The following CAAP1 variants were observed in gnomAD, a reference collection of about 807,000 sequenced individuals.
The protein encoded by CAAP1 is caspase activity and apoptosis inhibitor 1.
CAAP1 carries 20 observed loss-of-function variants against 34.0 expected under a neutral mutation model. That is an observed-to-expected ratio of 0.59 (90% CI 0.41 to 0.86). CAAP1 has a LOEUF of 0.86. Among genes scored for constraint, CAAP1 ranks in the 40% least tolerant of loss-of-function variants. The probability of loss-of-function intolerance (pLI) is 0.00; values close to 1 mark genes in which losing one functional copy is unlikely to be tolerated. For missense variants in CAAP1, 538 were observed against 450.5 expected (o/e 1.19, Z -1.76); for synonymous variants, 213 against 166.7 (o/e 1.28, Z -2.14).
At chr9:26,874,751 T>C (rs1207583992) in intron 4 of CAAP1, among the ~76,000 whole-genome samples, 1 of 152,114 alleles carries the variant, frequency 6.6e-6, no homozygotes, top group African/African-American at 2.4e-5. Flanking sequence ...CTTGTTACTA[T>C]TGGTAGTAAA....
At chr9:26,864,760 A>T (rs1823091325) in intron 4 of CAAP1, among the ~76,000 whole-genome samples, 1 of 152,236 alleles carries the variant, frequency 6.6e-6, no homozygotes, top group Non-Finnish European at 1.5e-5. Flanking sequence ...CAACTTCAAA[A>T]ATCAGCGTTA....
At chr9:26,854,573 G>A (rs947890028) in intron 5 of CAAP1, among the ~76,000 whole-genome samples, 21 of 152,108 alleles carry the variant, frequency 1.4e-4, no homozygotes, top group African/African-American at 5.1e-4. Context: ...CATACACCTA[G>A]AGTCTGTGTA....
At chr9:26,845,715 C>T (rs926165517) in intron 5 of CAAP1, among the ~76,000 whole-genome samples, 1 of 152,108 alleles carries the variant, frequency 6.6e-6, no homozygotes, top group East Asian at 1.9e-4. Flanking sequence ...TGGTCTCTGG[C>T]TTTTTATCAT....
intron 4 of CAAP1, among the ~76,000 whole-genome samples, chr9:26,875,836 T>C (rs901692801): frequency 6.6e-6 from 1 of 152,142 alleles, no homozygotes; most frequent in Non-Finnish European, 1.5e-5. Context: ...GTGATCTCCT[T>C]TGGAATGTTG....
chr9:26,892,623 C>T lies in CAAP1; in HGVS notation c.93G>A (p.Ala31=). ...TGCTTCCACTGCTGCCGCTGGCCAA[C>T]GCGGGTACGATGTCCGGGGCCGCGA... ...AALAAPDIVP[A]LASGSSGSTS... Residue 31 remains alanine, a synonymous_variant, in exon 1 of 6, where the codon GCG becomes GCA. Transcript: ENST00000333916. The T allele has an allele frequency of 1.2e-6, 2 of 1,609,420 alleles. No homozygotes were observed. The highest frequency in any genetic ancestry group is 8.5e-7 in the Non-Finnish European group (1 of 1,179,548).
chr9:26,874,326 A>G (rs1823368058), intron 4 of CAAP1, among the ~76,000 whole-genome samples: 1 of 152,006 alleles, frequency 6.6e-6, no homozygotes, highest in South Asian at 2.1e-4. Context: ...TGAAATCTGC[A>G]TAACTGGAAT....
chr9:26,845,106 CTGTTT>C (rs1822568280), intron 5 of CAAP1, among the ~76,000 whole-genome samples: 1 of 152,092 alleles, frequency 6.6e-6, no homozygotes, highest in South Asian at 2.1e-4. Context: ...TCTTCTTATC[CTGTTT>C]TATTTTTCTT....
At position 26,886,143 on chromosome 9, in the gene CAAP1, C is replaced by T; in HGVS notation, c.550G>A (p.Glu184Lys). 6.4e-7 allele frequency: 1 copy of T among 1,556,336 alleles called. No homozygotes were observed. Among genetic ancestry groups the T allele is most frequent in the Middle Eastern group, 2.0e-4 (1 of 5,094 alleles). Residue 184 changes from glutamate to lysine, a missense_variant, in exon 3 of 6, where the codon GAG (glutamate) becomes AAG (lysine). Coordinates refer to ENST00000333916, the MANE Select transcript of CAAP1 (RefSeq NM_024828.4). ...AAAATTTTTTTTTCAGACAGGAGCT[C>T]TAACTGTTCCTGGCATAGTTTTTTA... ...EIKKLCQEQLELLSEKKILKI... is the reference protein window; with the variant it reads ...EIKKLCQEQLKLLSEKKILKI...
At chr9:26,887,247 C>G in intron 2 of CAAP1, 66 bp downstream of exon 2, 2 of 1,081,836 alleles carry the variant, frequency 1.8e-6, no homozygotes, top group Non-Finnish European at 1.3e-6. Context: ...TTAAGTAAAA[C>G]AAAAAATTGC....
At chr9:26,863,706 C>T (rs1203304122) in intron 4 of CAAP1, among the ~76,000 whole-genome samples, 3 of 145,312 alleles carry the variant, frequency 2.1e-5, no homozygotes, top group Non-Finnish European at 4.5e-5. Context: ...AGGGTGGGAA[C>T]ACACTGCCAA....
intron 1 of CAAP1, among the ~76,000 whole-genome samples, chr9:26,889,412 C>A (rs1238238843): frequency 6.6e-6 from 1 of 151,492 alleles, no homozygotes; most frequent in Non-Finnish European, 1.5e-5. Flanking sequence ...GAGGGAAACT[C>A]TATCTCAAAA....
chr9:26,888,240 T>C (rs1184562125), intron 1 of CAAP1, among the ~76,000 whole-genome samples: 3 of 152,244 alleles, frequency 2.0e-5, no homozygotes, highest in Non-Finnish European at 4.4e-5. Flanking sequence ...AACTCTTCAA[T>C]GAATTCCCAT....
At chr9:26,889,191 CG>C (rs892694415) in intron 1 of CAAP1, among the ~76,000 whole-genome samples, 1 of 151,646 alleles carries the variant, frequency 6.6e-6, no homozygotes, top group Non-Finnish European at 1.5e-5. Context: ...CTGAGGCGAA[CG>C]GATCACCTGA....
rs200935657 is a variant in CAAP1 at position 26,869,202 on chromosome 9, AT to A, written c.666-8064del. Among the ~76,000 whole-genome samples, 80 of 152,132 alleles carry A rather than the reference AT, an allele frequency of 5.3e-4. 1 individual carries two copies. Among genetic ancestry groups the A allele is most frequent in the Middle Eastern group, 3.4e-3 (1 of 294 alleles). On this transcript the variant is annotated intron_variant, in intron 4 of 5. Coordinates refer to ENST00000333916, the MANE Select transcript of CAAP1 (RefSeq NM_024828.4). ...TTTTCATAATAAAAAGTAAAAAAAA[AT>A]AAATAAACCAAAATAAAACCTAATA...
At chr9:26,849,306 C>T (rs558216302) in intron 5 of CAAP1, among the ~76,000 whole-genome samples, 2 of 152,284 alleles carry the variant, frequency 1.3e-5, no homozygotes, top group African/African-American at 4.8e-5. Context: ...AAGCTATTTG[C>T]TCCATTTCTT....
chr9:26,846,415 CAA>C (rs761402354), intron 5 of CAAP1, among the ~76,000 whole-genome samples: 32 of 61,748 alleles, frequency 5.2e-4, no homozygotes, highest in African/African-American at 1.2e-3. Flanking sequence ...GACTCTGTCT[CAA>C]AAAAAAAAAA....
At chr9:26,869,183 T>C (rs931004444) in intron 4 of CAAP1, among the ~76,000 whole-genome samples, 1 of 151,798 alleles carries the variant, frequency 6.6e-6, no homozygotes. Context: ...ATAATTTTCA[T>C]AATAAAAAGT....
At position 26,887,466 on chromosome 9, in the gene CAAP1, T is replaced by G. The variant is rs773317557; in HGVS notation, c.351A>C (p.Ala117=). The change falls in exon 2 of 6, where the codon GCA becomes GCC. Residue 117 remains alanine (A), a synonymous_variant. Coordinates refer to ENST00000333916, the MANE Select transcript of CAAP1 (RefSeq NM_024828.4). ...CACCTTCTTCAAGGTCACTGTGCTCTGCCAAGAATAATTCTTTTTCCAAAG... is the reference window on the plus strand; with the variant it reads ...CACCTTCTTCAAGGTCACTGTGCTCGGCCAAGAATAATTCTTTTTCCAAAG... ...LPTLEKELFL[A]EHSDLEEGGL... The G allele has an allele frequency of 4.4e-6, 7 of 1,608,666 alleles. No individual in the cohort carries two copies. Among genetic ancestry groups the G allele is most frequent in the Non-Finnish European group, 5.9e-6 (7 of 1,178,788 alleles).
intron 4 of CAAP1, among the ~76,000 whole-genome samples, chr9:26,866,168 A>G (rs12339528): frequency 0.022 from 3,373 of 152,290 alleles, 126 homozygotes; most frequent in African/African-American, 0.077. Flanking sequence ...CTTTAAATGG[A>G]CACTAATAAA....
Sources: gnomAD v4.1 joint callset for allele counts (sites outside exome capture counted in the v4.1 genomes callset) on GRCh38, gnomAD v4.1.1 for gene constraint, MANE v1.5 for transcripts, NCBI Gene and HGNC (gene_info 2026-07-23, HGNC 2026-07-21) for gene names.